Variants in DMD observed in about 807,000 individuals in gnomAD.
The protein encoded by DMD is dystrophin.
Under a neutral mutation model 330.1 loss-of-function variants are expected in DMD, and 63 were observed. The ratio of observed to expected loss-of-function variants is 0.19; its 90% CI spans 0.16 to 0.24. The LOEUF is 0.24. Ranked by LOEUF, DMD falls within the 10% of genes least tolerant of loss-of-function variation. The pLI, the probability that DMD is intolerant of heterozygous loss-of-function variation, is 1.00. For synonymous variants in DMD, 1,223 were observed against 959.8 expected (o/e 1.27, Z -5.07); for missense variants, 3,344 against 2,684.1 (o/e 1.25, Z -5.43).
chrX:31,620,621 G>T (rs1017113161), intron 55 of DMD, among the ~76,000 whole-genome samples: 4 of 109,958 alleles, frequency 3.6e-5, no homozygotes, highest in Non-Finnish European at 5.7e-5. Flanking sequence ...CGCCATGTTG[G>T]TCAGGCTGGT....
At chrX:31,754,953 T>C (rs1219073597) in intron 51 of DMD, among the ~76,000 whole-genome samples, 1 of 112,070 alleles carries the variant, frequency 8.9e-6, no homozygotes, top group African/African-American at 3.2e-5. Flanking sequence ...AGTTAAGCCA[T>C]AAAGATGAAA....
chrX:32,033,646 AAAGAAAG>A lies in DMD; in HGVS notation c.6439-65139_6439-65133del, dbSNP rs1178013452. On this transcript the variant is annotated intron_variant, in intron 44 of 78. Transcript: ENST00000357033. ...GAAAGAAAGAAAGAAAGAAAGAAAGAAAGAAAGAAGAAAGAAAGAAAGAAAGGAAGGA... is the reference window on the plus strand; with the variant it reads ...GAAAGAAAGAAAGAAAGAAAGAAAGAAAGAAAGAAAGAAAGAAAGGAAGGA... Among the ~76,000 whole-genome samples the A allele has an allele frequency of 3.6e-3, 120 of 33,756 alleles. 1 individual carries two copies. The highest frequency in any genetic ancestry group is 0.011 in the Admixed American group (23 of 2,149). The allele number at this position is 33,756 out of a possible 115,157, so 29.3% of individuals were successfully genotyped here.
At chrX:33,021,841 A>C (rs1446670793) in intron 1 of DMD, among the ~76,000 whole-genome samples, 1 of 111,835 alleles carries the variant, frequency 8.9e-6, no homozygotes, top group Non-Finnish European at 1.9e-5. Context: ...CTTAGCTACA[A>C]TATGGAAGTA....
intron 47 of DMD, 50 bp from the exon 48 acceptor site, chrX:31,875,423 C>T: frequency 1.1e-6 from 1 of 906,491 alleles, no homozygotes; most frequent in Non-Finnish European, 1.6e-6. Context: ...AAGGCATAAG[C>T]CAAAATGTTT....
intron 2 of DMD, among the ~76,000 whole-genome samples, chrX:32,909,082 T>C (rs1348438910): frequency 9.2e-6 from 1 of 109,171 alleles, no homozygotes; most frequent in African/African-American, 3.3e-5. Context: ...CATCTAACTG[T>C]TTTGTTTTTA....
chrX:32,350,872 A>G lies in DMD; in HGVS notation c.5326-2344T>C, dbSNP rs759828242. 2.0e-4 allele frequency among the ~76,000 whole-genome samples: 22 copies of G among 110,493 alleles called. No homozygotes were observed. In the South Asian group the frequency reaches 6.1e-3, roughly 31 times the overall value. ...ACCTTTTTTTGCAGGCCATTTGGTG[A>G]TCTTCTGTTATGCCTCCTTCAATGA... is the stretch of plus-strand genomic sequence containing the variant. On this transcript the variant is annotated intron_variant, in intron 37 of 78. Coordinates refer to ENST00000357033, the MANE Select transcript of DMD (RefSeq NM_004006.3).
At chrX:33,198,873 A>G (rs1321813490) in intron 1 of DMD, among the ~76,000 whole-genome samples, 1 of 110,206 alleles carries the variant, frequency 9.1e-6, no homozygotes, top group African/African-American at 3.3e-5. Context: ...TTGTAGGTGG[A>G]AAATGGTGTC....
intron 30 of DMD, among the ~76,000 whole-genome samples, chrX:32,402,507 C>G (rs999448294): frequency 9.0e-6 from 1 of 111,157 alleles, no homozygotes; most frequent in African/African-American, 3.3e-5. Context: ...CAACCCATGC[C>G]TCAACCATTC....
intron 1 of DMD, among the ~76,000 whole-genome samples, chrX:33,093,747 A>G (rs1300515346): frequency 9.0e-6 from 1 of 111,561 alleles, no homozygotes; most frequent in Non-Finnish European, 1.9e-5. Context: ...CTAGAACCAA[A>G]CTTTTATTGC....
chrX:32,835,160 C>A (rs1307470525), intron 4 of DMD, among the ~76,000 whole-genome samples: 3 of 111,929 alleles, frequency 2.7e-5, no homozygotes, highest in Non-Finnish European at 3.8e-5. Flanking sequence ...CATTAAATAT[C>A]TTTGAGAGAA....
At chrX:32,799,645 G>A (rs994034359) in intron 7 of DMD, among the ~76,000 whole-genome samples, 21 of 105,720 alleles carry the variant, frequency 2.0e-4, no homozygotes, top group Admixed American at 1.0e-4. Context: ...TTGAAACTCA[G>A]AGAAACAATG....
intron 50 of DMD, among the ~76,000 whole-genome samples, chrX:31,804,286 C>T (rs1167421194): frequency 1.8e-5 from 2 of 111,689 alleles, no homozygotes; most frequent in Admixed American, 9.5e-5. Context: ...GTTCTATTCG[C>T]GTTCTCTGTA....
chrX:31,328,435 A>G (rs902827427), intron 61 of DMD, among the ~76,000 whole-genome samples: 15 of 111,169 alleles, frequency 1.3e-4, no homozygotes, highest in Admixed American at 1.9e-4. Context: ...ACAGTAGATT[A>G]TTTGGGAACA....
In DMD at chrX:32,343,286, C is replaced by A; in HGVS notation, c.5587G>T (p.Asp1863Tyr). The A allele has an allele frequency of 1.7e-6, 2 of 1,201,381 alleles. No individual in the cohort carries two copies. Among genetic ancestry groups the A allele is most frequent in the Non-Finnish European group, 2.3e-6 (2 of 886,738 alleles). ...TTTTTTCTTCTTTGAGACCTCAAAT[C>A]CTGTTCATGGTGCAGACATTATTAA... ...LLQTKHNALK[D>Y]LRSQRRKKAL... The change falls in exon 40 of 79, where the codon GAT becomes TAT. Residue 1863 changes from aspartate (D) to tyrosine (Y), a missense_variant and splice_region_variant. Transcript: ENST00000357033.
chrX:32,744,247 C>G lies in DMD; in HGVS notation c.650-44954G>C, dbSNP rs183628857. On this transcript the variant is annotated intron_variant, in intron 7 of 78. Coordinates refer to ENST00000357033, the MANE Select transcript of DMD (RefSeq NM_004006.3). ...GTTGCTCTTTTGAATATTATCAAAA[C>G]TTCCAATTTGCCAAATCTAATAAAC... 1.0e-4 allele frequency among the ~76,000 whole-genome samples: 11 copies of G among 108,934 alleles called. No individual in the cohort carries two copies. The East Asian group carries it at 3.2e-3, about 32-fold the overall frequency. 94.6% of individuals were successfully genotyped at this position (108,934 alleles called of 115,157 possible).
intron 18 of DMD, among the ~76,000 whole-genome samples, chrX:32,507,136 AAGAC>A (rs1238686258): frequency 8.9e-6 from 1 of 111,788 alleles, no homozygotes; most frequent in African/African-American, 3.2e-5. Context: ...AATATCAAGA[AAGAC>A]AGGAGGATTT....
rs184655572 is a variant in DMD, at chrX:33,070,504, A to G, written c.32-50304T>C. On this transcript the variant is annotated intron_variant, in intron 1 of 78. Coordinates refer to ENST00000357033, the MANE Select transcript of DMD (RefSeq NM_004006.3). ...ATAAGCTTCCTTATTAAATAAATGT[A>G]TTTATTCATTTGATCTTATGTAAAG... is the stretch of plus-strand genomic sequence containing the variant. Among the ~76,000 whole-genome samples the G allele has an allele frequency of 2.5e-3, 275 of 109,593 alleles. 4 individuals carry two copies. Among genetic ancestry groups the G allele is most frequent in the African/African-American group, 8.8e-3 (267 of 30,231 alleles).
chrX:32,397,560 G>C (rs1483584415), intron 30 of DMD, among the ~76,000 whole-genome samples: 1 of 111,851 alleles, frequency 8.9e-6, no homozygotes, highest in Non-Finnish European at 1.9e-5. Context: ...AGGCATTTGA[G>C]CATGCAGTAA....
chrX:32,413,393 T>C (rs1473506731), intron 29 of DMD, among the ~76,000 whole-genome samples: 1 of 111,851 alleles, frequency 8.9e-6, no homozygotes, highest in African/African-American at 3.3e-5. Context: ...CTTTATTAGA[T>C]GTAATTCTAG....
Sources: gnomAD v4.1 joint callset for allele counts (sites outside exome capture counted in the v4.1 genomes callset) on GRCh38, gnomAD v4.1.1 for gene constraint, MANE v1.5 for transcripts, NCBI Gene and HGNC (gene_info 2026-07-23, HGNC 2026-07-21) for gene names.